CCDC57: variants seen among roughly 807,000 people sequenced by gnomAD.
CCDC57 encodes the protein coiled-coil domain containing 57.
Under a neutral mutation model 118.9 loss-of-function variants are expected in CCDC57, and 118 were observed. That is an observed-to-expected ratio of 0.99 (90% CI 0.86 to 1.16). The LOEUF is 1.16. CCDC57 is among the 50% of genes most tolerant of loss of function. CCDC57 has a pLI of 0.00. For synonymous variants in CCDC57, 527 were observed against 532.9 expected, an observed-to-expected ratio of 0.99 and a Z score of 0.15; for missense variants, 1,300 against 1,320.7, an observed-to-expected ratio of 0.98 and a Z score of 0.24.
intron 16 of CCDC57, among the ~76,000 whole-genome samples, chr17:82,137,339 A>G (rs912840694): frequency 1.3e-5 from 2 of 152,088 alleles, no homozygotes; most frequent in African/African-American, 4.8e-5. Context: ...TTTACTATTT[A>G]TTGACTTCCC....
intron 8 of CCDC57, among the ~76,000 whole-genome samples, chr17:82,185,629 A>AT (rs2146550411): frequency 6.6e-6 from 1 of 151,970 alleles, no homozygotes; most frequent in East Asian, 1.9e-4. Flanking sequence ...AAAAAAAAAA[A>AT]GGAAGAAAAA....
intron 13 of CCDC57, among the ~76,000 whole-genome samples, chr17:82,166,932 A>G (rs1277431511): frequency 3.3e-5 from 5 of 151,914 alleles, no homozygotes; most frequent in Non-Finnish European, 7.4e-5. Context: ...AACAACCACA[A>G]CAACAACAAC....
chr17:82,134,164 GC>G lies in CCDC57; in HGVS notation c.2485del (p.Ala829ProfsTer74). 2 of 1,350,998 alleles carry G rather than the reference GC, an allele frequency of 1.5e-6. No homozygotes were observed. The highest frequency in any genetic ancestry group is 7.6e-5 in the Admixed American group (2 of 26,468). 83.7% of individuals were successfully genotyped at this position (1,350,998 alleles called of 1,614,324 possible). On this transcript the variant is annotated frameshift_variant, in exon 17 of 20. Transcript: ENST00000665763. LOFTEE classifies it high-confidence loss of function. ...CTCGCCTGGCTTCCGGGCCTCAGGG[GC>G]AGGAGGGAGGGCGTGGTGCAACAGC...
rs1166814802 is a variant in CCDC57, at chr17:82,171,810, AT to A, written c.1772del (p.His591LeufsTer10). The A allele has an allele frequency of 1.9e-6, 3 of 1,613,900 alleles. No individual in the cohort carries two copies. Among genetic ancestry groups the A allele is most frequent in the Non-Finnish European group, 2.5e-6 (3 of 1,179,780 alleles). ...GATGCTTTTCCAGAGTTTTAAACTTATGCTTTAGAGTTCGTATTTCTGCTTC... is the reference window on the plus strand; with the variant it reads ...GATGCTTTTCCAGAGTTTTAAACTTAGCTTTAGAGTTCGTATTTCTGCTTC... On this transcript the variant is annotated frameshift_variant, in exon 13 of 20. Transcript: ENST00000665763. LOFTEE classifies it high-confidence loss of function.
chr17:82,122,287 A>G (rs1461471437), intron 19 of CCDC57, among the ~76,000 whole-genome samples: 1 of 152,222 alleles, frequency 6.6e-6, no homozygotes. Context: ...GACCAGGGAC[A>G]GCCTCCCTGG....
intron 4 of CCDC57, among the ~76,000 whole-genome samples, chr17:82,196,336 ACT>A (rs1420858748): frequency 6.6e-6 from 1 of 152,174 alleles, no homozygotes; most frequent in Non-Finnish European, 1.5e-5. Flanking sequence ...CTGTTCTCAA[ACT>A]CATCCATAAT....
chr17:82,165,029 C>T (rs1411807497), intron 13 of CCDC57, among the ~76,000 whole-genome samples: 1 of 152,156 alleles, frequency 6.6e-6, no homozygotes, highest in Non-Finnish European at 1.5e-5. Flanking sequence ...CAATAAAACA[C>T]TGGCAAACCA....
intron 16 of CCDC57, among the ~76,000 whole-genome samples, chr17:82,142,473 C>T (rs1028314425): frequency 8.5e-5 from 13 of 152,092 alleles, no homozygotes; most frequent in African/African-American, 2.7e-4. Context: ...ACACCAAGCC[C>T]GGCTAATTTT....
intron 13 of CCDC57, among the ~76,000 whole-genome samples, chr17:82,171,475 G>A (rs1057451332): frequency 4.6e-5 from 7 of 150,712 alleles, no homozygotes; most frequent in African/African-American, 1.7e-4. Flanking sequence ...GGGCTCCGGA[G>A]GGAGCACAAG....
intron 8 of CCDC57, 83 bp from the exon 8 acceptor site, chr17:82,184,015 A>C: frequency 5.1e-5 from 27 of 525,090 alleles, no homozygotes; most frequent in Non-Finnish European, 6.7e-5. Flanking sequence ...GCAAATACAC[A>C]TGCGCGCGCG....
intron 14 of CCDC57, among the ~76,000 whole-genome samples, chr17:82,161,109 C>A (rs77347608): frequency 1.3e-5 from 2 of 152,054 alleles, no homozygotes; most frequent in Admixed American, 1.3e-4. Flanking sequence ...AGACGATGCT[C>A]GACACCAGGA....
chr17:82,152,752 T>A (rs2042215349), intron 15 of CCDC57, among the ~76,000 whole-genome samples: 1 of 152,196 alleles, frequency 6.6e-6, no homozygotes, highest in South Asian at 2.1e-4. Flanking sequence ...CAGCACACCC[T>A]GTCCCCGCCA....
At chr17:82,165,603 C>A (rs2043890662) in intron 13 of CCDC57, among the ~76,000 whole-genome samples, 1 of 152,144 alleles carries the variant, frequency 6.6e-6, no homozygotes, top group Non-Finnish European at 1.5e-5. Flanking sequence ...CATGGTCCTG[C>A]AGCCTGCTGT....
At chr17:82,187,907 C>T (rs890149029) in intron 8 of CCDC57, among the ~76,000 whole-genome samples, 7 of 151,828 alleles carry the variant, frequency 4.6e-5, no homozygotes, top group African/African-American at 7.3e-5. Context: ...TTTACAACAA[C>T]GTGAATGTGC....
In CCDC57 at chr17:82,118,009, C is replaced by T. The variant is rs1304075571; in HGVS notation, c.2899+9683G>A. ...AGGCCGTCCAAGTGTCCACAAACATCAGACACCAAAACAAAGGGAGGTGAG... is the reference window on the plus strand; with the variant it reads ...AGGCCGTCCAAGTGTCCACAAACATTAGACACCAAAACAAAGGGAGGTGAG... On this transcript the variant is annotated intron_variant, in intron 19 of 19. Transcript: ENST00000665763. The surrounding 1 kb of genome is among the most constrained non-coding windows in gnomAD (Gnocchi z 4.7). 6.6e-6 allele frequency among the ~76,000 whole-genome samples: 1 copy of T among 152,190 alleles called. No individual in the cohort carries two copies. The highest frequency in any genetic ancestry group is 1.5e-5 in the Non-Finnish European group (1 of 68,036).
At chr17:82,125,128 A>G (rs907859766) in intron 19 of CCDC57, among the ~76,000 whole-genome samples, 1 of 152,156 alleles carries the variant, frequency 6.6e-6, no homozygotes, top group Non-Finnish European at 1.5e-5. Context: ...GAAGCCACAC[A>G]ACCCCATTCC....
chr17:82,131,355 T>C (rs2038341816), intron 17 of CCDC57, among the ~76,000 whole-genome samples: 1 of 151,558 alleles, frequency 6.6e-6, no homozygotes, highest in African/African-American at 2.4e-5. Flanking sequence ...CGCTTGAACC[T>C]GGGAGGCAGA....
At chr17:82,198,516 C>A in intron 3 of CCDC57, 94 bp from the exon 3 acceptor site, 1 of 880,384 alleles carries the variant, frequency 1.1e-6, no homozygotes, top group South Asian at 1.6e-5. Flanking sequence ...AAAGTTGGTG[C>A]TTTGCTTTTA....
At chr17:82,174,787 GCTT>G (rs1369534714) in intron 11 of CCDC57, among the ~76,000 whole-genome samples, 1 of 152,188 alleles carries the variant, frequency 6.6e-6, no homozygotes, top group African/African-American at 2.4e-5. Flanking sequence ...GTAACCATTT[GCTT>G]CTTTTGATTC....
Sources: gnomAD v4.1 joint callset for allele counts (sites outside exome capture counted in the v4.1 genomes callset) on GRCh38, gnomAD v4.1.1 for gene constraint, Gnocchi (gnomAD v3.1) non-coding constraint, MANE v1.5 for transcripts, NCBI Gene and HGNC (gene_info 2026-07-23, HGNC 2026-07-21) for gene names.